The following ACOXL variants were observed in gnomAD, a reference collection of about 807,000 sequenced individuals.
ACOXL encodes acyl-coenzyme A oxidase-like protein.
Under a neutral mutation model 71.9 loss-of-function variants are expected in ACOXL, and 70 were observed. The observed-to-expected ratio is 0.97, with a 90% CI of 0.80 to 1.19. The LOEUF is 1.19. Among genes scored for constraint, ACOXL ranks in the 50% most tolerant of loss-of-function variants. The pLI is 0.00. For synonymous variants in ACOXL, 253 were observed against 281.6 expected, an observed-to-expected ratio of 0.90 and a Z score of 1.02; for missense variants, 703 against 736.3, an observed-to-expected ratio of 0.95 and a Z score of 0.52.
intron 12 of ACOXL, among the ~76,000 whole-genome samples, chr2:110,971,672 C>T (rs1334081767): frequency 6.6e-6 from 1 of 152,180 alleles, no homozygotes; most frequent in East Asian, 1.9e-4. Flanking sequence ...GTAGTGGCAG[C>T]TCCCCATTCC....
chr2:111,108,554 T>C (rs929367845), intron 17 of ACOXL, among the ~76,000 whole-genome samples: 2 of 152,084 alleles, frequency 1.3e-5, no homozygotes, highest in African/African-American at 4.8e-5. Context: ...AATTTTTGTA[T>C]TTTTAGTAGA....
chr2:110,794,045 T>C, intron 4 of ACOXL, 31 bp from the exon 5 acceptor site: 1 of 1,609,064 alleles, frequency 6.2e-7, no homozygotes, highest in Middle Eastern at 1.7e-4. Flanking sequence ...CCTGACCAGC[T>C]AATTCCCTTC....
intron 12 of ACOXL, among the ~76,000 whole-genome samples, chr2:110,934,197 G>T (rs1285431785): frequency 6.6e-6 from 1 of 152,212 alleles, no homozygotes; most frequent in Non-Finnish European, 1.5e-5. Context: ...GAGAACAGAA[G>T]CCCTGCAGGA....
intron 10 of ACOXL, among the ~76,000 whole-genome samples, chr2:110,845,897 G>A (rs1691780208): frequency 6.6e-6 from 1 of 152,166 alleles, no homozygotes; most frequent in African/African-American, 2.4e-5. Flanking sequence ...GAATTTGGAT[G>A]TACAAATATC....
chr2:111,061,895 G>C (rs965878269), intron 16 of ACOXL, among the ~76,000 whole-genome samples: 2 of 151,554 alleles, frequency 1.3e-5, no homozygotes, highest in Non-Finnish European at 2.9e-5. Flanking sequence ...AAATGCCCAA[G>C]TCATGCATGG....
intron 16 of ACOXL, among the ~76,000 whole-genome samples, chr2:111,087,183 G>A (rs1170321684): frequency 1.3e-5 from 2 of 152,168 alleles, no homozygotes; most frequent in African/African-American, 4.8e-5. Flanking sequence ...AACATTCCAT[G>A]CTCATGGATA....
rs77063407 is a variant in ACOXL, at chr2:110,964,787, A to G, written c.1060-22321A>G. Among the ~76,000 whole-genome samples, 632 of 152,338 alleles carry G rather than the reference A, an allele frequency of 4.1e-3. 23 individuals carry two copies. The East Asian group carries it at 0.078, about 19-fold the overall frequency. ...TCAAGCCAGAGTTTTTAGGGTGTCC[A>G]TCACCTCAAGTATTTATCATTTCTA... On this transcript the variant is annotated intron_variant, in intron 12 of 17. Transcript: ENST00000439055.
intron 10 of ACOXL, among the ~76,000 whole-genome samples, chr2:110,905,923 C>T (rs1205863704): frequency 2.0e-5 from 3 of 152,188 alleles, no homozygotes; most frequent in Non-Finnish European, 2.9e-5. Context: ...AGGCCTGCCA[C>T]ATGGAGCCTT....
intron 12 of ACOXL, among the ~76,000 whole-genome samples, chr2:110,970,835 C>T (rs2062153500): frequency 6.6e-6 from 1 of 152,028 alleles, no homozygotes; most frequent in African/African-American, 2.4e-5. Flanking sequence ...AAATGAATTA[C>T]TTAAATATAA....
chr2:111,014,308 A>G (rs1168139936), intron 14 of ACOXL, among the ~76,000 whole-genome samples: 1 of 152,256 alleles, frequency 6.6e-6, no homozygotes, highest in Non-Finnish European at 1.5e-5. Flanking sequence ...CAAACTCAAT[A>G]TCTAAAACGA....
chr2:110,804,718 A>G (rs774676297), intron 8 of ACOXL, among the ~76,000 whole-genome samples: 1 of 152,262 alleles, frequency 6.6e-6, no homozygotes, highest in Non-Finnish European at 1.5e-5. Context: ...TGCAAGTGAA[A>G]GAAGCCAGAC....
intron 9 of ACOXL, among the ~76,000 whole-genome samples, chr2:110,837,911 C>T (rs144866273): frequency 9.2e-5 from 14 of 152,290 alleles, no homozygotes; most frequent in Non-Finnish European, 1.9e-4. Context: ...CTCCGTGTCC[C>T]AGGACCTCAG....
chr2:110,901,521 G>C (rs323640), intron 10 of ACOXL, among the ~76,000 whole-genome samples: 146,501 of 152,172 alleles, frequency 0.96, 70,768 homozygotes, highest in East Asian at 1. Flanking sequence ...TGAGAAGGTG[G>C]AAAAGTTATT....
intron 10 of ACOXL, among the ~76,000 whole-genome samples, chr2:110,862,412 G>A (rs1450149179): frequency 2.0e-5 from 3 of 152,118 alleles, no homozygotes; most frequent in Non-Finnish European, 4.4e-5. Context: ...CAGGAGGATC[G>A]CTTAAAGACA....
chr2:110,814,274 C>T (rs973787693), intron 9 of ACOXL, among the ~76,000 whole-genome samples: 1 of 152,182 alleles, frequency 6.6e-6, no homozygotes, highest in African/African-American at 2.4e-5. Context: ...GCCGACTTTG[C>T]CTCACAGCTG....
intron 13 of ACOXL, among the ~76,000 whole-genome samples, chr2:110,992,387 T>C (rs772169454): frequency 6.6e-6 from 1 of 152,138 alleles, no homozygotes; most frequent in Non-Finnish European, 1.5e-5. Flanking sequence ...TCTCTAAGCA[T>C]TGGTGATCAG....
At chr2:110,921,686 C>T (rs1207162366) in intron 11 of ACOXL, among the ~76,000 whole-genome samples, 1 of 151,782 alleles carries the variant, frequency 6.6e-6, no homozygotes, top group Non-Finnish European at 1.5e-5. Flanking sequence ...AGCCACCGCG[C>T]CTGGCCTTCC....
At chr2:110,823,030 A>G (rs1573691998) in intron 9 of ACOXL, among the ~76,000 whole-genome samples, 1 of 152,240 alleles carries the variant, frequency 6.6e-6, no homozygotes, top group Middle Eastern at 3.4e-3. Flanking sequence ...AAGCAGGTGG[A>G]TCACCTGAGG....
chr2:110,951,604 T>C (rs1486657925), intron 12 of ACOXL, among the ~76,000 whole-genome samples: 2 of 152,244 alleles, frequency 1.3e-5, no homozygotes, highest in African/African-American at 4.8e-5. Context: ...TATTCTCTAT[T>C]ATGTTAAGGA....
Sources: allele counts gnomAD v4.1 joint callset (sites outside exome capture counted in the v4.1 genomes callset), GRCh38; gene constraint gnomAD v4.1.1; transcripts MANE v1.5; gene names NCBI Gene and HGNC (gene_info 2026-07-23, HGNC 2026-07-21).